Variants in GLUD1 observed in about 807,000 individuals in gnomAD.
GLUD1 encodes glutamate dehydrogenase 1, mitochondrial.
GLUD1 carries 22 observed loss-of-function variants against 56.0 expected under a neutral mutation model. The observed-to-expected ratio is 0.39, with a 90% CI of 0.28 to 0.56. The LOEUF is 0.56. Ranked by LOEUF, GLUD1 falls within the 20% of genes least tolerant of loss-of-function variation. GLUD1 has a pLI of 0.58. For missense variants in GLUD1, 451 were observed against 732.0 expected (o/e 0.62, Z 4.43); for synonymous variants, 223 against 269.9 (o/e 0.83, Z 1.70).
chr10:87,054,015 C>T lies in GLUD1; in HGVS notation c.1495-611G>A, dbSNP rs114810089. ...GAGCTGGGATATGACTCAGGGCCTC[C>T]ACCATCAAGTCAGTTCTCTCTTTCC... On this transcript the variant is annotated intron_variant, in intron 11 of 12. Transcript: ENST00000277865. Among the ~76,000 whole-genome samples, 871 of 134,986 alleles carry T rather than the reference C, an allele frequency of 6.5e-3. 7 individuals carry two copies. Among genetic ancestry groups the T allele is most frequent in the African/African-American group, 0.024 (772 of 32,622 alleles). 88.6% of individuals were successfully genotyped at this position (134,986 alleles called of 152,430 possible).
chr10:87,058,719 C>T (rs1564764031), intron 10 of GLUD1, among the ~76,000 whole-genome samples: 1 of 152,168 alleles, frequency 6.6e-6, no homozygotes, highest in Non-Finnish European at 1.5e-5. Flanking sequence ...GGTGAAACCC[C>T]GTCTCTATTA....
Position 87,094,445 on chromosome 10 carries a change from T to C in GLUD1, c.325A>G (p.Ile109Val), listed in dbSNP as rs1405772782. Residue 109 changes from isoleucine (I) to valine (V), a missense_variant, in exon 1 of 13, where the codon ATC (isoleucine) becomes GTC (valine). This residue lies in a region of GLUD1 where 158 missense variants were observed against 189.7 expected (regional missense o/e 0.83). Transcript: ENST00000277865. This position sits in a 1 kb window ranked among gnomAD's most constrained non-coding sequence, Gnocchi z 6.6. ...RNRVRGILRIIKPCNHVLSLS... is the reference protein window; with the variant it reads ...RNRVRGILRIVKPCNHVLSLS... Reference sequence around the variant, plus strand: ...CTCAGCACATGGTTGCAGGGCTTGATGATCCGCAGGATGCCGCGCACCCGG... The same window carrying C: ...CTCAGCACATGGTTGCAGGGCTTGACGATCCGCAGGATGCCGCGCACCCGG... The C allele has an allele frequency of 3.7e-6, 6 of 1,613,752 alleles. No homozygotes were observed. The highest frequency in any genetic ancestry group is 2.2e-5 in the East Asian group (1 of 44,854).
At chr10:87,055,881 C>T (rs1173081143) in intron 11 of GLUD1, among the ~76,000 whole-genome samples, 2 of 151,778 alleles carry the variant, frequency 1.3e-5, no homozygotes, top group African/African-American at 2.4e-5. Flanking sequence ...TTTGGGAGGC[C>T]GAGGCGGGTG....
chr10:87,062,634 C>CT, intron 6 of GLUD1, 22 bp downstream of exon 6: 1 of 1,592,590 alleles, frequency 6.3e-7, no homozygotes, highest in South Asian at 1.1e-5. Flanking sequence ...ATTAAGGAAA[C>CT]TTTTTTTGTT....
rs745545081 is a variant in GLUD1, at chr10:87,063,067, TTGTTTG to T, written c.742-238_742-233del. ...TATACTATATTTTCTGTTTTTTTTT[TTGTTTG>T]TTTGTTTGTTTGTTTTTGAGACGGA... is the stretch of plus-strand genomic sequence containing the variant. On this transcript the variant is annotated intron_variant, in intron 5 of 12. Coordinates refer to ENST00000277865, the MANE Select transcript of GLUD1 (RefSeq NM_005271.5). Among the ~76,000 whole-genome samples the T allele has an allele frequency of 6.9e-3, 822 of 119,692 alleles. 9 individuals carry two copies. Among genetic ancestry groups the T allele is most frequent in the African/African-American group, 0.021 (776 of 36,188 alleles). The allele number at this position is 119,692 out of a possible 152,430, so 78.5% of individuals were successfully genotyped here.
chr10:87,079,887 GCTCTCC>G (rs1267906047), intron 1 of GLUD1, among the ~76,000 whole-genome samples: 4 of 146,316 alleles, frequency 2.7e-5, no homozygotes, highest in African/African-American at 5.2e-5. Flanking sequence ...AAGAACTAGT[GCTCTCC>G]CTCTCCCTCC....
chr10:87,068,272 G>A, intron 4 of GLUD1, 115 bp from the exon 5 acceptor site: 2 of 710,796 alleles, frequency 2.8e-6, no homozygotes, highest in South Asian at 3.0e-5. Flanking sequence ...GAAAACTTTA[G>A]ATCTCATTTA....
Position 87,061,063 on chromosome 10 carries a change from C to T in GLUD1, c.922-11G>A, listed in dbSNP as rs1845917473. On this transcript the variant is annotated splice_polypyrimidine_tract_variant and intron_variant, in intron 6 of 12. Coordinates refer to ENST00000277865, the MANE Select transcript of GLUD1 (RefSeq NM_005271.5). ...CACATTACCAAATCCCTGTGAAGAA[C>T]AATTACCCATAACACAAAAATTAAA... is the stretch of plus-strand genomic sequence containing the variant. 6.2e-7 allele frequency: 1 copy of T among 1,612,464 alleles called. No homozygotes were observed. Among genetic ancestry groups the T allele is most frequent in the Non-Finnish European group, 8.5e-7 (1 of 1,178,528 alleles).
Position 87,094,643 on chromosome 10 carries a change from G to C in GLUD1, c.127C>G (p.Pro43Ala). Residue 43 changes from proline to alanine, a missense_variant, in exon 1 of 13, where the codon CCG becomes GCG. By Grantham distance (27) the Pro-to-Ala change is conservative (BLOSUM62 -1). This residue lies in a region of GLUD1 where 158 missense variants were observed against 189.7 expected (regional missense o/e 0.83). Transcript: ENST00000277865. This position sits in a 1 kb window ranked among gnomAD's most constrained non-coding sequence, Gnocchi z 6.6. Reference protein sequence around the residue: ...ARGQPAAAPQPGLALAARRHY... With the variant: ...ARGQPAAAPQAGLALAARRHY... Reference sequence around the variant, plus strand: ...CGCCGGGCGGCCAATGCCAGCCCCGGCTGCGGGGCGGCGGCGGGCTGTCCC... The same window carrying C: ...CGCCGGGCGGCCAATGCCAGCCCCGCCTGCGGGGCGGCGGCGGGCTGTCCC... 1 of 1,605,022 alleles carries C rather than the reference G, an allele frequency of 6.2e-7. No homozygotes were observed. Among genetic ancestry groups the C allele is most frequent in the African/African-American group, 1.3e-5 (1 of 74,496 alleles).
chr10:87,069,154 TTTC>T (rs1474408604), intron 4 of GLUD1, among the ~76,000 whole-genome samples: 1 of 151,962 alleles, frequency 6.6e-6, no homozygotes, highest in Non-Finnish European at 1.5e-5. Context: ...AGTTTATAAC[TTTC>T]TATATTATTT....
chr10:87,068,799 T>G (rs1159316109), intron 4 of GLUD1, among the ~76,000 whole-genome samples: 1 of 152,026 alleles, frequency 6.6e-6, no homozygotes, highest in Non-Finnish European at 1.5e-5. Context: ...GCTAATAAAT[T>G]AGCTTACAGG....
intron 1 of GLUD1, chr10:87,093,956 G>C: frequency 7.2e-7 from 1 of 1,385,678 alleles, no homozygotes; most frequent in East Asian, 3.8e-5. Context: ...CACTGACGAG[G>C]CATTATCACA....
chr10:87,079,929 CCTCTCCCTCTCCCTCTCCCCACGG>C (rs1314650037), intron 1 of GLUD1, among the ~76,000 whole-genome samples: 7 of 130,332 alleles, frequency 5.4e-5, no homozygotes, highest in African/African-American at 2.2e-4. Context: ...TCTCCCTCCC[CCTCTCCCTCTCCCTCTCCCCACGG>C]TCTCCCTCTC....
chr10:87,081,527 T>C (rs1414630990), intron 1 of GLUD1, among the ~76,000 whole-genome samples: 2 of 152,118 alleles, frequency 1.3e-5, no homozygotes, highest in African/African-American at 4.8e-5. Context: ...GGGGAAAAGA[T>C]TGAGAAATCG....
chr10:87,086,696 C>G (rs573233417), intron 1 of GLUD1, among the ~76,000 whole-genome samples: 27 of 151,460 alleles, frequency 1.8e-4, no homozygotes, highest in African/African-American at 5.6e-4. Flanking sequence ...GCCAGCGTGG[C>G]GGTGGGCGCC....
chr10:87,073,863 C>T (rs1267256134), intron 4 of GLUD1, among the ~76,000 whole-genome samples: 5 of 151,926 alleles, frequency 3.3e-5, no homozygotes. Context: ...CCTCGTGATC[C>T]ACCTGCCTCG....
chr10:87,091,588 A>G (rs1841510799), intron 1 of GLUD1: 2 of 969,224 alleles, frequency 2.1e-6, no homozygotes, highest in Non-Finnish European at 2.5e-6. Flanking sequence ...AATCCTTAAC[A>G]CAGACAAATC....
At chr10:87,087,336 T>C (rs553679378) in intron 1 of GLUD1, among the ~76,000 whole-genome samples, 35 of 152,290 alleles carry the variant, frequency 2.3e-4, no homozygotes, top group South Asian at 1.4e-3. Flanking sequence ...ACTCTCCCCA[T>C]ACTCCAGCCA....
At chr10:87,064,456 C>A (rs1452670583) in intron 5 of GLUD1, among the ~76,000 whole-genome samples, 1 of 152,004 alleles carries the variant, frequency 6.6e-6, no homozygotes, top group Non-Finnish European at 1.5e-5. Context: ...AAGTCAGTGG[C>A]AAAAGTATAA....
Sources: allele counts gnomAD v4.1 joint callset (sites outside exome capture counted in the v4.1 genomes callset), GRCh38; gene constraint gnomAD v4.1.1; regional missense constraint gnomAD v4.1.1; non-coding constraint Gnocchi (gnomAD v3.1); transcripts MANE v1.5; gene names NCBI Gene and HGNC (gene_info 2026-07-23, HGNC 2026-07-21).